The following COL6A3 variants were observed in gnomAD, a reference collection of about 807,000 sequenced individuals.
The protein encoded by COL6A3 is collagen type VI alpha 3 chain, also known as collagen alpha-3(VI) chain.
In COL6A3, 137 loss-of-function variants were observed where a neutral mutation model predicts 274.1. That is an observed-to-expected ratio of 0.50 (90% confidence interval 0.44 to 0.58). The LOEUF is 0.58. Among genes scored for constraint, COL6A3 ranks in the 20% least tolerant of loss-of-function variants. COL6A3 has a pLI of 0.00. For missense variants in COL6A3, 3,950 were observed against 4,124.9 expected, an observed-to-expected ratio of 0.96 and a Z score of 1.16; for synonymous variants, 1,650 against 1,650.6, an observed-to-expected ratio of 1.00 and a Z score of 0.01.
intron 1 of COL6A3, among the ~76,000 whole-genome samples, chr2:237,406,334 A>G (rs553525445): frequency 6.6e-6 from 1 of 152,328 alleles, no homozygotes; most frequent in Admixed American, 6.5e-5. Context: ...GTTTGAAAAC[A>G]AAGACTCAAA....
At chr2:237,373,381 C>A (rs1000420494) in intron 8 of COL6A3, among the ~76,000 whole-genome samples, 1 of 152,136 alleles carries the variant, frequency 6.6e-6, no homozygotes, top group African/African-American at 2.4e-5. Context: ...AGAAAGAAAG[C>A]CTCTTTCACT....
intron 2 of COL6A3, among the ~76,000 whole-genome samples, chr2:237,395,704 T>A (rs1278984116): frequency 6.6e-6 from 1 of 152,124 alleles, no homozygotes; most frequent in Non-Finnish European, 1.5e-5. Flanking sequence ...GCGTGAAAAA[T>A]AAATATAATA....
At position 237,351,415 on chromosome 2, in the gene COL6A3, T is replaced by C. The variant is rs113167254; in HGVS notation, c.6754-223A>G. 8.5e-5 allele frequency among the ~76,000 whole-genome samples: 13 copies of C among 152,362 alleles called. 1 individual carries two copies. Among genetic ancestry groups the C allele is most frequent in the African/African-American group, 3.1e-4 (13 of 41,582 alleles). On this transcript the variant is annotated intron_variant, in intron 26 of 43. Transcript: ENST00000295550. The stretch of plus-strand genomic sequence containing the variant: ...ACAAATTTAAAACATGAGTATTACC[T>C]CTCAGTGCCAGTTTTCACAAATTAA...
At chr2:237,345,608 T>C (rs1445068455) in intron 32 of COL6A3, among the ~76,000 whole-genome samples, 1 of 152,290 alleles carries the variant, frequency 6.6e-6, no homozygotes, top group Non-Finnish European at 1.5e-5. Flanking sequence ...GCTCCCTCCG[T>C]GTCTAAAGCA....
chr2:237,401,229 C>T (rs1432000612), intron 1 of COL6A3, among the ~76,000 whole-genome samples: 2 of 152,300 alleles, frequency 1.3e-5, no homozygotes, highest in African/African-American at 2.4e-5. Flanking sequence ...ATTCATCTAT[C>T]CCACTTTTGG....
chr2:237,338,096 T>C (rs1256383486), intron 39 of COL6A3, among the ~76,000 whole-genome samples: 1 of 152,210 alleles, frequency 6.6e-6, no homozygotes, highest in Non-Finnish European at 1.5e-5. Flanking sequence ...TTCAATGTAA[T>C]GTGGCAAGTC....
At chr2:237,335,110 TTA>T (rs1700470181) in intron 40 of COL6A3, among the ~76,000 whole-genome samples, 1 of 152,200 alleles carries the variant, frequency 6.6e-6, no homozygotes, top group Admixed American at 6.5e-5. Flanking sequence ...AAAAATCTCA[TTA>T]TTCATCAACT....
intron 42 of COL6A3, chr2:237,333,156 G>T: frequency 2.2e-6 from 1 of 458,928 alleles, no homozygotes; most frequent in Non-Finnish European, 4.0e-6. Context: ...AAATCAACTC[G>T]AGTCCCAGTA....
intron 37 of COL6A3, 99 bp from the exon 38 acceptor site, chr2:237,341,249 A>G (rs2076981499): frequency 8.0e-7 from 1 of 1,250,020 alleles, no homozygotes; most frequent in Non-Finnish European, 1.2e-6. Flanking sequence ...AAATGATCAC[A>G]TAAGATCAAA....
chr2:237,333,156 G>A (rs942651785), intron 42 of COL6A3: 12 of 458,810 alleles, frequency 2.6e-5, no homozygotes, highest in African/African-American at 1.2e-4. Flanking sequence ...AAATCAACTC[G>A]AGTCCCAGTA....
At chr2:237,346,791 T>C (rs1285518020) in intron 31 of COL6A3, among the ~76,000 whole-genome samples, 1 of 152,108 alleles carries the variant, frequency 6.6e-6, no homozygotes, top group African/African-American at 2.4e-5. Context: ...GTGTTGTATA[T>C]TGTGTTCTCT....
chr2:237,409,179 A>T (rs2645782), intron 1 of COL6A3, among the ~76,000 whole-genome samples: 1 of 151,932 alleles, frequency 6.6e-6, no homozygotes, highest in Non-Finnish European at 1.5e-5. Flanking sequence ...CCAAGGTAGT[A>T]GTTTTTTTGA....
chr2:237,337,024 T>A (rs1700587732), intron 39 of COL6A3, among the ~76,000 whole-genome samples: 2 of 152,164 alleles, frequency 1.3e-5, no homozygotes, highest in African/African-American at 2.4e-5. Flanking sequence ...GTATATATAT[T>A]TTTTATTTCT....
chr2:237,369,883 G>A (rs1235623390), intron 9 of COL6A3, among the ~76,000 whole-genome samples: 1 of 150,590 alleles, frequency 6.6e-6, no homozygotes, highest in African/African-American at 2.4e-5. Flanking sequence ...TATCTCCCAG[G>A]CTGGAGTGCA....
chr2:237,357,935 G>T, intron 21 of COL6A3, 53 bp from the exon 22 acceptor site: 1 of 1,509,288 alleles, frequency 6.6e-7, no homozygotes, highest in South Asian at 1.1e-5. Flanking sequence ...GAAAGCAGCT[G>T]CCACTGGACT....
chr2:237,382,683 T>C (rs1029947715), intron 4 of COL6A3, among the ~76,000 whole-genome samples: 5 of 152,246 alleles, frequency 3.3e-5, no homozygotes, highest in Non-Finnish European at 7.3e-5. Flanking sequence ...TCAGATAGAT[T>C]GCATGGCAAG....
chr2:237,334,728 G>A lies in COL6A3; in HGVS notation c.9127C>T (p.Arg3043Cys), dbSNP rs562049567. 1.1e-5 allele frequency: 18 copies of A among 1,613,946 alleles called. No homozygotes were observed. Among genetic ancestry groups the A allele is most frequent in the East Asian group, 6.7e-5 (3 of 44,880 alleles). The change falls in exon 41 of 44, where the codon CGC becomes TGC. Residue 3043 changes from arginine to cysteine, a missense_variant. This residue lies in a region of COL6A3 where 1,284 missense variants were observed against 1,349.7 expected (regional missense o/e 0.95). Coordinates refer to ENST00000295550, the MANE Select transcript of COL6A3 (RefSeq NM_004369.4). ...CCAGCGAGCAGGCCTCCAATGACGC[G>A]GTCCGTGACCGTGAGGTTCTGCTTC... ...VLKQNLTVTD[R>C]VIGGLLAGQT... is the part of the protein sequence containing the mutation.
Position 237,371,469 on chromosome 2 carries a change from G to A in COL6A3, c.4285+263C>T. The A allele has an allele frequency of 5.5e-6, 3 of 547,258 alleles. No homozygotes were observed. Among genetic ancestry groups the A allele is most frequent in the South Asian group, 5.0e-5 (1 of 19,856 alleles). 33.9% of individuals were successfully genotyped at this position (547,258 alleles called of 1,614,324 possible). ...AAAAATTAGCCGGGCGTGGTGGTAT[G>A]AACCTGTAGTCCTAGCTACTGAGGA... On this transcript the variant is annotated intron_variant, in intron 9 of 43. Transcript: ENST00000295550. This position sits in a 1 kb window ranked among gnomAD's most constrained non-coding sequence, Gnocchi z 4.3.
In COL6A3 at chr2:237,348,020, T is replaced by G. The variant is rs544580467; in HGVS notation, c.6967-151A>C. On this transcript the variant is annotated intron_variant, in intron 30 of 43. Coordinates refer to ENST00000295550, the MANE Select transcript of COL6A3 (RefSeq NM_004369.4). ...TTGATTCACTTTTCCAGTGGGTTACTACTATATTTGTGGTATTTGCAGATG... is the reference window on the plus strand; with the variant it reads ...TTGATTCACTTTTCCAGTGGGTTACGACTATATTTGTGGTATTTGCAGATG... 2.0e-5 allele frequency: 15 copies of G among 747,844 alleles called. No individual in the cohort carries two copies. In the South Asian group the frequency reaches 2.2e-4, roughly 11 times the overall value. The allele number at this position is 747,844 out of a possible 1,614,324, so 46.3% of individuals were successfully genotyped here. A position where few individuals can be genotyped will look rare whatever the true frequency, so the allele number is the denominator to read the frequency against.
Sources: allele counts gnomAD v4.1 joint callset (sites outside exome capture counted in the v4.1 genomes callset), GRCh38; gene constraint gnomAD v4.1.1; regional missense constraint gnomAD v4.1.1; non-coding constraint Gnocchi (gnomAD v3.1); transcripts MANE v1.5; gene names NCBI Gene and HGNC (gene_info 2026-07-23, HGNC 2026-07-21).